The following LEPROT variants were observed in gnomAD, a reference collection of about 807,000 sequenced individuals.
LEPROT encodes leptin receptor overlapping transcript, also known as leptin receptor gene-related protein.
In LEPROT, 3 loss-of-function variants were observed where a neutral mutation model predicts 15.4. That is an observed-to-expected ratio of 0.19 (90% confidence interval 0.09 to 0.50). The LOEUF (loss-of-function observed/expected upper bound fraction) is 0.50. Ranked by LOEUF, LEPROT falls within the 20% of genes least tolerant of loss-of-function variation. The probability of loss-of-function intolerance (pLI) is 0.97; values close to 1 mark genes in which losing one functional copy is unlikely to be tolerated. For synonymous variants in LEPROT, 59 were observed against 57.5 expected, an observed-to-expected ratio of 1.03 and a Z score of -0.12; for missense variants, 137 against 162.2, an observed-to-expected ratio of 0.84 and a Z score of 0.84.
chr1:65,426,171 C>G (rs112768316), intron 2 of LEPROT, among the ~76,000 whole-genome samples: 3 of 151,602 alleles, frequency 2.0e-5, no homozygotes, highest in Admixed American at 2.0e-4. Context: ...AGCAAGCAGG[C>G]CATACAGATC....
intron 1 of LEPROT, 50 bp downstream of exon 1, chr1:65,420,790 C>T (rs775059549): frequency 5.1e-5 from 79 of 1,559,770 alleles, no homozygotes; most frequent in Non-Finnish European, 6.5e-5. Context: ...TTGCCACCTC[C>T]GTTCCGGTCA....
Position 65,434,024 on chromosome 1 carries a change from A to G in LEPROT, c.*2105A>G, listed in dbSNP as rs953705811. The G allele has an allele frequency of 2.6e-5, 26 of 985,400 alleles. No individual in the cohort carries two copies. The highest frequency in any genetic ancestry group is 3.1e-5 in the Non-Finnish European group (26 of 829,900). 61.0% of individuals were successfully genotyped at this position (985,400 alleles called of 1,614,324 possible). On this transcript the variant is annotated 3_prime_UTR_variant, in exon 4 of 4. Coordinates refer to ENST00000371065, the MANE Select transcript of LEPROT (RefSeq NM_017526.5). The stretch of plus-strand genomic sequence containing the variant: ...ATGATTCATTTCTACTACATTTTGC[A>G]AAAGTGTTTTTGTTGCTTATACACA...
intron 2 of LEPROT, among the ~76,000 whole-genome samples, chr1:65,429,530 T>C (rs139585232): frequency 1.1e-4 from 16 of 152,312 alleles, no homozygotes; most frequent in African/African-American, 3.6e-4. Context: ...CAAGACACTC[T>C]ACTATGTTCT....
At chr1:65,428,826 T>C (rs1345789189) in intron 2 of LEPROT, among the ~76,000 whole-genome samples, 1 of 152,172 alleles carries the variant, frequency 6.6e-6, no homozygotes, top group Non-Finnish European at 1.5e-5. Flanking sequence ...GGAAACCAGA[T>C]GGCAATTTTT....
At chr1:65,426,927 G>A (rs1431423718) in intron 2 of LEPROT, among the ~76,000 whole-genome samples, 4 of 152,118 alleles carry the variant, frequency 2.6e-5, no homozygotes, top group East Asian at 3.9e-4. Flanking sequence ...GAACACAGGA[G>A]GTGGAGGTTG....
Position 65,434,402 on chromosome 1 carries a change from T to C in LEPROT, c.*2483T>C, listed in dbSNP as rs765756692. 65 of 985,284 alleles carry C rather than the reference T, an allele frequency of 6.6e-5. No homozygotes were observed. Among genetic ancestry groups the C allele is most frequent in the Non-Finnish European group, 7.5e-5 (62 of 829,938 alleles). 61.0% of individuals were successfully genotyped at this position (985,284 alleles called of 1,614,324 possible). A position where few individuals can be genotyped will look rare whatever the true frequency, so the allele number is the denominator to read the frequency against. On this transcript the variant is annotated 3_prime_UTR_variant, in exon 4 of 4. Transcript: ENST00000371065. ...GAAAACTGAGATTGCACTTCCAAAATTGGCCACAAGTAAATAATCTTATGA... is the reference window on the plus strand; with the variant it reads ...GAAAACTGAGATTGCACTTCCAAAACTGGCCACAAGTAAATAATCTTATGA...
Position 65,432,008 on chromosome 1 carries a change from A to G in LEPROT, c.*89A>G. 1 of 1,485,694 alleles carries G rather than the reference A, an allele frequency of 6.7e-7. No homozygotes were observed. The highest frequency in any genetic ancestry group is 8.9e-7 in the Non-Finnish European group (1 of 1,121,594). 92.0% of individuals were successfully genotyped at this position (1,485,694 alleles called of 1,614,324 possible). On this transcript the variant is annotated 3_prime_UTR_variant, in exon 4 of 4. Coordinates refer to ENST00000371065, the MANE Select transcript of LEPROT (RefSeq NM_017526.5). ...CATGCGGCATTTTACTATGAAATTTAATATGCTGGGTTTTTTAATACCTTT... is the reference window on the plus strand; with the variant it reads ...CATGCGGCATTTTACTATGAAATTTGATATGCTGGGTTTTTTAATACCTTT...
chr1:65,428,332 T>TA (rs575642229), intron 2 of LEPROT, among the ~76,000 whole-genome samples: 346 of 152,354 alleles, frequency 2.3e-3, no homozygotes, highest in Non-Finnish European at 4.2e-3. Context: ...CAGGAAAAAT[T>TA]AAGAGTTCTT....
chr1:65,421,653 C>T (rs896988121), intron 1 of LEPROT, among the ~76,000 whole-genome samples: 3 of 152,212 alleles, frequency 2.0e-5, no homozygotes, highest in African/African-American at 7.2e-5. Context: ...CTGTTAGCAG[C>T]AGACATTTTA....
Position 65,435,742 on chromosome 1 carries a change from C to A in LEPROT, c.*3823C>A. 2.0e-6 allele frequency: 2 copies of A among 984,870 alleles called. No individual in the cohort carries two copies. The highest frequency in any genetic ancestry group is 2.4e-6 in the Non-Finnish European group (2 of 829,460). 61.0% of individuals were successfully genotyped at this position (984,870 alleles called of 1,614,324 possible). A position where few individuals can be genotyped will look rare whatever the true frequency, so the allele number is the denominator to read the frequency against. On this transcript the variant is annotated 3_prime_UTR_variant, in exon 4 of 4. Transcript: ENST00000371065. ...ACCAAAATATTTATGAGGATGCTAG[C>A]ATTTTCCAAGCATAGTAATTAGTTC...
At chr1:65,424,005 C>A (rs1298795792) in intron 1 of LEPROT, among the ~76,000 whole-genome samples, 1 of 152,154 alleles carries the variant, frequency 6.6e-6, no homozygotes, top group African/African-American at 2.4e-5. Context: ...CCATTATTTC[C>A]ATTTTACAGG....
chr1:65,426,120 C>T (rs1646358838), intron 2 of LEPROT, among the ~76,000 whole-genome samples: 1 of 133,964 alleles, frequency 7.5e-6, no homozygotes, highest in African/African-American at 3.9e-5. Context: ...GGGAGGGCCT[C>T]TCAGAGGAGG....
In LEPROT at chr1:65,430,062, T is replaced by C; in HGVS notation, c.279+14T>C. 7.1e-6 allele frequency: 11 copies of C among 1,548,274 alleles called. No homozygotes were observed. The highest frequency in any genetic ancestry group is 9.7e-6 in the Non-Finnish European group (11 of 1,133,672). On this transcript the variant is annotated intron_variant, in intron 3 of 3. Transcript: ENST00000371065. ...CGTGTGGCTGTGGTAAGTTTTATTT[T>C]CTATTGTTTTGCCCAACCGTTGCTG...
Position 65,431,800 on chromosome 1 carries a change from C to A in LEPROT, c.280-3C>A. On this transcript the variant is annotated splice_region_variant and splice_polypyrimidine_tract_variant and intron_variant, in intron 3 of 3. Coordinates refer to ENST00000371065, the MANE Select transcript of LEPROT (RefSeq NM_017526.5). ...ATTTAATCCTTCTTTTCTTGTCTTT[C>A]AGATCAAATGGGGAGCCTGCGGCCT... The A allele has an allele frequency of 6.2e-7, 1 of 1,610,622 alleles. No homozygotes were observed. Among genetic ancestry groups the A allele is most frequent in the South Asian group, 1.1e-5 (1 of 90,490 alleles).
chr1:65,420,714 G>C lies in LEPROT; in HGVS notation c.-11G>C, dbSNP rs776131681. 6.3e-7 allele frequency: 1 copy of C among 1,582,664 alleles called. No individual in the cohort carries two copies. The highest frequency in any genetic ancestry group is 8.6e-7 in the Non-Finnish European group (1 of 1,166,634). On this transcript the variant is annotated 5_prime_UTR_variant, in exon 1 of 4. Coordinates refer to ENST00000371065, the MANE Select transcript of LEPROT (RefSeq NM_017526.5). ...GAAGCCGGAAGCAGCCGCGGCCCCA[G>C]TTCGGGAGACATGGCGGGCGTTAAA...
chr1:65,426,740 T>C (rs865988450), intron 2 of LEPROT, among the ~76,000 whole-genome samples: 16 of 152,294 alleles, frequency 1.1e-4, no homozygotes, highest in African/African-American at 3.6e-4. Flanking sequence ...GGCTCACGCC[T>C]GTAATCCCAG....
intron 2 of LEPROT, among the ~76,000 whole-genome samples, chr1:65,425,700 A>T (rs1570418798): frequency 6.6e-6 from 1 of 152,366 alleles, no homozygotes; most frequent in East Asian, 1.9e-4. Flanking sequence ...TCTAGTCAGT[A>T]ATCTGGCAGC....
chr1:65,425,175 C>A (rs1339037965), intron 1 of LEPROT, 128 bp from the exon 2 acceptor site: 1 of 714,080 alleles, frequency 1.4e-6, no homozygotes, highest in African/African-American at 1.8e-5. Context: ...CTATCTAATT[C>A]CAGAAAATTT....
In LEPROT at chr1:65,429,903, C is replaced by G. The variant is rs879134302; in HGVS notation, c.134C>G (p.Ser45Cys). The change falls in exon 3 of 4, where the codon TCC (serine) becomes TGC (cysteine). Residue 45 changes from serine (S) to cysteine (C), a missense_variant. Physicochemically the swap from Ser to Cys is moderately radical, Grantham distance 112. Transcript: ENST00000371065. The stretch of plus-strand genomic sequence containing the variant: ...TTCGTCCTGATTTTCCACGCCATCT[C>G]CCCCATCCCCCATTTCATTGCCAAA... ...PLFVLIFHAI[S>C]PIPHFIAKRV... is the part of the protein sequence containing the mutation. 6.5e-7 allele frequency: 1 copy of G among 1,536,032 alleles called. No individual in the cohort carries two copies. Among genetic ancestry groups the G allele is most frequent in the Non-Finnish European group, 8.9e-7 (1 of 1,126,000 alleles).
Sources: allele counts gnomAD v4.1 joint callset (sites outside exome capture counted in the v4.1 genomes callset), GRCh38; gene constraint gnomAD v4.1.1; transcripts MANE v1.5; gene names NCBI Gene and HGNC (gene_info 2026-07-23, HGNC 2026-07-21).